SLC22A23: variants seen among roughly 807,000 people sequenced by gnomAD.
SLC22A23 encodes the protein solute carrier family 22 member 23.
In SLC22A23, 26 loss-of-function variants were observed where a neutral mutation model predicts 61.0. That is an observed-to-expected ratio of 0.43 (90% CI 0.31 to 0.59). The LOEUF is 0.59. SLC22A23 is among the 20% of genes least tolerant of loss of function. The probability of loss-of-function intolerance (pLI) is 0.11; values close to 1 mark genes in which losing one functional copy is unlikely to be tolerated. For synonymous variants in SLC22A23, 430 were observed against 413.9 expected (o/e 1.04, Z -0.47); for missense variants, 796 against 934.7 (o/e 0.85, Z 1.94).
intron 6 of SLC22A23, among the ~76,000 whole-genome samples, chr6:3,287,292 C>T (rs1204924624): frequency 6.6e-6 from 1 of 152,256 alleles, no homozygotes; most frequent in East Asian, 1.9e-4. Context: ...TGGAATGCTT[C>T]TCCTGATGGA....
chr6:3,365,968 T>C (rs1765782861), intron 3 of SLC22A23, among the ~76,000 whole-genome samples: 1 of 152,148 alleles, frequency 6.6e-6, no homozygotes, highest in African/African-American at 2.4e-5. Flanking sequence ...TGATGCTGCA[T>C]CGGAGTGTGC....
In SLC22A23 at chr6:3,309,144, C is replaced by T. The variant is rs879348753; in HGVS notation, c.1083-10926G>A. Among the ~76,000 whole-genome samples, 8 of 147,154 alleles carry T rather than the reference C, an allele frequency of 5.4e-5. No individual in the cohort carries two copies. Among genetic ancestry groups the T allele is most frequent in the South Asian group, 2.2e-4 (1 of 4,572 alleles). On this transcript the variant is annotated intron_variant, in intron 4 of 9. Coordinates refer to ENST00000406686, the MANE Select transcript of SLC22A23 (RefSeq NM_015482.2). The surrounding 1 kb of genome is among the most constrained non-coding windows in gnomAD (Gnocchi z 4.7). ...GTGAAACCCCCATCTCTACTAAAAA[C>T]GCAAAAATTAGCCAAGCATGGTGGC... is the stretch of plus-strand genomic sequence containing the variant.
At chr6:3,339,911 G>A (rs902644191) in intron 3 of SLC22A23, among the ~76,000 whole-genome samples, 3 of 152,098 alleles carry the variant, frequency 2.0e-5, no homozygotes, top group Admixed American at 6.5e-5. Flanking sequence ...GACTGGCCCC[G>A]AACTCTTTCT....
intron 3 of SLC22A23, among the ~76,000 whole-genome samples, chr6:3,343,299 A>G (rs1179239064): frequency 1.3e-5 from 2 of 152,176 alleles, no homozygotes; most frequent in Admixed American, 6.5e-5. Context: ...CCTCGTAAAC[A>G]AGTGCTAATC....
chr6:3,361,745 C>T (rs749223903), intron 3 of SLC22A23, among the ~76,000 whole-genome samples: 44 of 152,304 alleles, frequency 2.9e-4, no homozygotes, highest in Admixed American at 2.1e-3. Context: ...TGTCTTTTTG[C>T]TGAATCACAT....
At position 3,387,292 on chromosome 6, in the gene SLC22A23, T is replaced by C. The variant is rs1767372842; in HGVS notation, c.913+22896A>G. 6.6e-6 allele frequency among the ~76,000 whole-genome samples: 1 copy of C among 152,226 alleles called. No homozygotes were observed. The highest frequency in any genetic ancestry group is 2.1e-4 in the South Asian group (1 of 4,826). On this transcript the variant is annotated intron_variant, in intron 3 of 9. Coordinates refer to ENST00000406686, the MANE Select transcript of SLC22A23 (RefSeq NM_015482.2). The surrounding 1 kb of genome is among the most constrained non-coding windows in gnomAD (Gnocchi z 5.0). Reference sequence around the variant, plus strand: ...GCTGACGTCAGAGCTCCTGCCTCGATACGACGCCATGAGCAGGGTGGTGCT... The same window carrying C: ...GCTGACGTCAGAGCTCCTGCCTCGACACGACGCCATGAGCAGGGTGGTGCT...
At chr6:3,279,535 A>AAAAAAAAAAAAAAAAAAAC in intron 9 of SLC22A23, among the ~76,000 whole-genome samples, 1 of 147,172 alleles carries the variant, frequency 6.8e-6, no homozygotes, top group Non-Finnish European at 1.5e-5. Flanking sequence ...AAAAAAAAAA[A>AAAAAAAAAAAAAAAAAAAC]ATCCTTGACA....
At chr6:3,291,452 G>T (rs1372678594) in intron 5 of SLC22A23, 1 of 152,238 alleles carries the variant, frequency 6.6e-6, no homozygotes, top group African/African-American at 2.4e-5. Context: ...GGGAGAAGGA[G>T]AAACCTTTCA....
chr6:3,319,558 C>T (rs1762832783), intron 4 of SLC22A23, among the ~76,000 whole-genome samples: 1 of 152,180 alleles, frequency 6.6e-6, no homozygotes. Context: ...TCTAGAATAC[C>T]TGGACCAGCA....
intron 3 of SLC22A23, among the ~76,000 whole-genome samples, chr6:3,380,645 T>TA (rs57482525): frequency 2.6e-4 from 39 of 149,312 alleles, no homozygotes; most frequent in South Asian, 4.2e-4. Context: ...ATTAAGTTAT[T>TA]AAAAAAAAAA....
chr6:3,392,870 A>G (rs758733885), intron 3 of SLC22A23, among the ~76,000 whole-genome samples: 19 of 152,198 alleles, frequency 1.2e-4, no homozygotes, highest in Admixed American at 2.0e-4. Context: ...GGAACTCAGC[A>G]GGGAGGTCAG....
rs973054244 is a variant in SLC22A23 at position 3,270,128 on chromosome 6, T to C, written c.*2927A>G. ...AGGTGTTCACATTTGTGCATAACTT[T>C]TATTGAAAGGCTGACAGGGTAGGCT... On this transcript the variant is annotated 3_prime_UTR_variant, in exon 10 of 10. Coordinates refer to ENST00000406686, the MANE Select transcript of SLC22A23 (RefSeq NM_015482.2). 13 of 152,336 alleles carry C rather than the reference T, an allele frequency of 8.5e-5. No individual in the cohort carries two copies. The highest frequency in any genetic ancestry group is 8.5e-4 in the Admixed American group (13 of 15,270). The allele number at this position is 152,336 out of a possible 1,614,324, so 9.4% of individuals were successfully genotyped here.
At chr6:3,321,417 C>T (rs1031430595) in intron 4 of SLC22A23, among the ~76,000 whole-genome samples, 1 of 150,528 alleles carries the variant, frequency 6.6e-6, no homozygotes, top group African/African-American at 2.4e-5. Flanking sequence ...CACACACATG[C>T]ACACACGTTT....
In SLC22A23 at chr6:3,322,114, T is replaced by C. The variant is rs1407063809; in HGVS notation, c.1082+1720A>G. On this transcript the variant is annotated intron_variant, in intron 4 of 9. Coordinates refer to ENST00000406686, the MANE Select transcript of SLC22A23 (RefSeq NM_015482.2). The surrounding 1 kb of genome is among the most constrained non-coding windows in gnomAD (Gnocchi z 4.1). ...AGACAGGAGCCAGGTGTGGCAAGAG[T>C]TGGCCGCTTCAGGTCCAGGCTCTGA... Among the ~76,000 whole-genome samples the C allele has an allele frequency of 6.6e-6, 1 of 151,620 alleles. No individual in the cohort carries two copies. Among genetic ancestry groups the C allele is most frequent in the Non-Finnish European group, 1.5e-5 (1 of 67,928 alleles).
chr6:3,387,793 G>C lies in SLC22A23; in HGVS notation c.913+22395C>G, dbSNP rs1274061891. On this transcript the variant is annotated intron_variant, in intron 3 of 9. Coordinates refer to ENST00000406686, the MANE Select transcript of SLC22A23 (RefSeq NM_015482.2). The surrounding 1 kb of genome is among the most constrained non-coding windows in gnomAD (Gnocchi z 5.0). ...TAAGTATATGTATATTTCATTCAAA[G>C]AGTTAACGAAACCCAAGAGTCGTGG... Among the ~76,000 whole-genome samples the C allele has an allele frequency of 1.3e-5, 2 of 152,172 alleles. No individual in the cohort carries two copies. Among genetic ancestry groups the C allele is most frequent in the African/African-American group, 4.8e-5 (2 of 41,432 alleles).
In SLC22A23 at chr6:3,324,700, G is replaced by A. The variant is rs1241922245; in HGVS notation, c.914-698C>T. ...GGAGTTCTGTGGGCCACTGCAACAC[G>A]GGTGAGTCATGCATCCTTTCTCTGT... On this transcript the variant is annotated intron_variant, in intron 3 of 9. Coordinates refer to ENST00000406686, the MANE Select transcript of SLC22A23 (RefSeq NM_015482.2). This position sits in a 1 kb window ranked among gnomAD's most constrained non-coding sequence, Gnocchi z 4.3. Among the ~76,000 whole-genome samples, 1 of 152,192 alleles carries A rather than the reference G, an allele frequency of 6.6e-6. No individual in the cohort carries two copies. The highest frequency in any genetic ancestry group is 1.5e-5 in the Non-Finnish European group (1 of 68,028).
At chr6:3,375,437 T>C (rs1766502727) in intron 3 of SLC22A23, among the ~76,000 whole-genome samples, 1 of 152,260 alleles carries the variant, frequency 6.6e-6, no homozygotes, top group Non-Finnish European at 1.5e-5. Context: ...AGCACAGTTA[T>C]GCGTCCAACT....
chr6:3,360,739 T>G lies in SLC22A23; in HGVS notation c.914-36737A>C, dbSNP rs908759923. Among the ~76,000 whole-genome samples the G allele has an allele frequency of 1.3e-5, 2 of 152,232 alleles. No homozygotes were observed. Among genetic ancestry groups the G allele is most frequent in the African/African-American group, 4.8e-5 (2 of 41,460 alleles). On this transcript the variant is annotated intron_variant, in intron 3 of 9. Transcript: ENST00000406686. The surrounding 1 kb of genome is among the most constrained non-coding windows in gnomAD (Gnocchi z 4.6). ...TGAGCCCCCAAGGGGTCCTCAGTGA[T>G]GTCGACACGACAGGTGTGCAGGCAC...
At chr6:3,337,247 G>A (rs1763909229) in intron 3 of SLC22A23, among the ~76,000 whole-genome samples, 1 of 152,178 alleles carries the variant, frequency 6.6e-6, no homozygotes, top group South Asian at 2.1e-4. Context: ...CCTGTTTGTT[G>A]GAGCAAATCG....
Sources: gnomAD v4.1 joint callset for allele counts (sites outside exome capture counted in the v4.1 genomes callset) on GRCh38, gnomAD v4.1.1 for gene constraint, Gnocchi (gnomAD v3.1) non-coding constraint, MANE v1.5 for transcripts, NCBI Gene and HGNC (gene_info 2026-07-23, HGNC 2026-07-21) for gene names.